Variants in ADGRE3 observed in about 807,000 individuals in gnomAD.
ADGRE3 encodes the protein EGF-like module receptor 3.
ADGRE3 carries 88 observed loss-of-function variants against 80.1 expected under a neutral mutation model. The ratio of observed to expected loss-of-function variants is 1.10; its 90% CI spans 0.93 to 1.31. ADGRE3 has a LOEUF of 1.31. Ranked by LOEUF, ADGRE3 falls within the 40% of genes most tolerant of loss-of-function variation. The probability of loss-of-function intolerance (pLI) is 0.00; values close to 1 mark genes in which losing one functional copy is unlikely to be tolerated. For synonymous variants in ADGRE3, 281 were observed against 294.8 expected (o/e 0.95, Z 0.48); for missense variants, 715 against 776.5 (o/e 0.92, Z 0.94).
rs770320312 is a variant in ADGRE3 at position 14,633,004 on chromosome 19, T to G, written c.1560A>C (p.Leu520Phe). ...TCCAAAAGACCAAGATAAACAATAC[T>G]AAATTCGCCTGCAGGACCAACACAA... ...GPVCAIFSAN[L>F]VLFILVFWIL... The change falls in exon 13 of 16, where the codon TTA becomes TTC. Residue 520 changes from leucine to phenylalanine, a missense_variant. Transcript: ENST00000253673. 2.5e-6 allele frequency: 4 copies of G among 1,613,222 alleles called. No homozygotes were observed. The highest frequency in any genetic ancestry group is 2.5e-6 in the Non-Finnish European group (3 of 1,179,258).
chr19:14,650,590 G>T (rs1971568148), intron 7 of ADGRE3, among the ~76,000 whole-genome samples: 1 of 143,148 alleles, frequency 7.0e-6, no homozygotes, highest in African/African-American at 2.6e-5. Context: ...CTCCACATCT[G>T]TTTCTCTCCA....
At chr19:14,646,493 A>G (rs1971403215) in intron 8 of ADGRE3, among the ~76,000 whole-genome samples, 1 of 148,600 alleles carries the variant, frequency 6.7e-6, no homozygotes, top group Non-Finnish European at 1.5e-5. Context: ...ATACAGTGTG[A>G]TTTATAATAC....
At chr19:14,657,837 C>T (rs941549162) in intron 5 of ADGRE3, among the ~76,000 whole-genome samples, 1 of 151,976 alleles carries the variant, frequency 6.6e-6, no homozygotes, top group African/African-American at 2.4e-5. Context: ...CATCTCCACT[C>T]ACCGCAACCT....
intron 12 of ADGRE3, 55 bp from the exon 13 acceptor site, chr19:14,633,067 C>T (rs773045534): frequency 2.0e-5 from 29 of 1,438,352 alleles, no homozygotes; most frequent in Non-Finnish European, 2.8e-5. Context: ...GTATGGTGTC[C>T]ACTTTAAATT....
chr19:14,673,813 T>C (rs1972317760), intron 1 of ADGRE3, among the ~76,000 whole-genome samples: 1 of 152,216 alleles, frequency 6.6e-6, no homozygotes, highest in South Asian at 2.1e-4. Flanking sequence ...TCAGGGCTTT[T>C]AGAGTATCCA....
At chr19:14,611,335 C>T in the ADGRE3 span, among the ~76,000 whole-genome samples, 1 of 146,318 alleles carries the variant, frequency 6.8e-6, no homozygotes, top group African/African-American at 2.5e-5. Flanking sequence ...CAGAATCAGA[C>T]TTTTGCCAGA....
At chr19:14,611,303 G>A in the ADGRE3 span, 1 of 150,958 alleles carries the variant, frequency 6.6e-6, no homozygotes, top group East Asian at 1.9e-4. Context: ...TGTCTTGGGT[G>A]AGGTTTGCAC....
chr19:14,655,237 G>C (rs1971721573), intron 5 of ADGRE3, 72 bp from the exon 6 acceptor site: 1 of 1,295,156 alleles, frequency 7.7e-7, no homozygotes, highest in African/African-American at 1.5e-5. Context: ...AAGAACAGTA[G>C]AAAGCATGAG....
At chr19:14,610,362 G>A in the ADGRE3 span, 6 of 926,672 alleles carry the variant, frequency 6.5e-6, no homozygotes, top group Non-Finnish European at 9.5e-6. Context: ...AAGTCAGGCT[G>A]TTTCTAGAGT....
chr19:14,644,333 T>A (rs1599627704), intron 8 of ADGRE3, 58 bp from the exon 9 acceptor site: 2 of 1,326,146 alleles, frequency 1.5e-6, no homozygotes, highest in East Asian at 5.5e-5. Flanking sequence ...TTCTTTTTTT[T>A]TTTTGGAGAC....
chr19:14,662,587 T>C (rs866014943), intron 3 of ADGRE3, among the ~76,000 whole-genome samples: 2 of 152,120 alleles, frequency 1.3e-5, no homozygotes, highest in Non-Finnish European at 1.5e-5. Flanking sequence ...GGTTTCACTA[T>C]GTTGGCCAGG....
chr19:14,633,017 A>G lies in ADGRE3; in HGVS notation c.1552-5T>C. The G allele has an allele frequency of 6.2e-7, 1 of 1,609,858 alleles. No individual in the cohort carries two copies. Among genetic ancestry groups the G allele is most frequent in the Non-Finnish European group, 8.5e-7 (1 of 1,176,214 alleles). On this transcript the variant is annotated splice_region_variant and splice_polypyrimidine_tract_variant and intron_variant, in intron 12 of 15. Transcript: ENST00000253673. ...GATAAACAATACTAAATTCGCCTGC[A>G]GGACCAACACAAACAAGGCAGAGTG...
intron 14 of ADGRE3, among the ~76,000 whole-genome samples, chr19:14,627,588 A>G (rs1410213201): frequency 6.6e-6 from 1 of 151,978 alleles, no homozygotes; most frequent in East Asian, 2.0e-4. Flanking sequence ...CATGTTGGCC[A>G]GGCTGGTCTT....
intron 6 of ADGRE3, among the ~76,000 whole-genome samples, chr19:14,652,359 C>T (rs1237860066): frequency 1.3e-5 from 2 of 151,872 alleles, no homozygotes; most frequent in Admixed American, 1.3e-4. Flanking sequence ...CCAAGACTGG[C>T]TGTGAGATGG....
chr19:14,621,138 G>C (rs1321420188), intron 15 of ADGRE3, among the ~76,000 whole-genome samples: 2 of 151,944 alleles, frequency 1.3e-5, no homozygotes, highest in African/African-American at 4.8e-5. Context: ...TCTTGCCTCA[G>C]TCTCCTGAGT....
intron 6 of ADGRE3, among the ~76,000 whole-genome samples, chr19:14,652,776 CAAAAAAAAAAAAAG>C (rs1480028001): frequency 4.8e-5 from 3 of 62,396 alleles, no homozygotes; most frequent in Admixed American, 1.8e-4. Context: ...GACTCCATCT[CAAAAAAAAAAAAAG>C]AAAAAAAAAA....
At chr19:14,603,732 C>T in the ADGRE3 span, among the ~76,000 whole-genome samples, 4 of 152,076 alleles carry the variant, frequency 2.6e-5, no homozygotes, top group South Asian at 2.1e-4. Context: ...TCCCGAAGTG[C>T]CGGGATTACA....
At chr19:14,670,772 G>A (rs923571939) in intron 1 of ADGRE3, among the ~76,000 whole-genome samples, 2 of 152,204 alleles carry the variant, frequency 1.3e-5, no homozygotes, top group African/African-American at 2.4e-5. Flanking sequence ...GAGAAGGTAA[G>A]TAACTTGCTC....
chr19:14,666,505 T>C (rs575172312), intron 2 of ADGRE3, among the ~76,000 whole-genome samples: 1 of 152,120 alleles, frequency 6.6e-6, no homozygotes, highest in Admixed American at 6.6e-5. Flanking sequence ...GCCTCCCGAG[T>C]AGCTAGGGTT....
Sources: gnomAD v4.1 joint callset for allele counts (sites outside exome capture counted in the v4.1 genomes callset) on GRCh38, gnomAD v4.1.1 for gene constraint, MANE v1.5 for transcripts, NCBI Gene and HGNC (gene_info 2026-07-23, HGNC 2026-07-21) for gene names.